RAB27A: variants seen among roughly 807,000 people sequenced by gnomAD.
The protein encoded by RAB27A is RAB27A, member RAS oncogene family.
RAB27A carries 17 observed loss-of-function variants against 20.8 expected under a neutral mutation model. The ratio of observed to expected loss-of-function variants is 0.82; its 90% CI spans 0.56 to 1.23. The LOEUF is 1.23. Among genes scored for constraint, RAB27A ranks in the 50% most tolerant of loss-of-function variants. The pLI is 0.00. For synonymous variants in RAB27A, 85 were observed against 92.8 expected, an observed-to-expected ratio of 0.92 and a Z score of 0.48; for missense variants, 277 against 266.7, an observed-to-expected ratio of 1.04 and a Z score of -0.27.
intron 2 of RAB27A, among the ~76,000 whole-genome samples, chr15:55,236,513 T>C (rs969990097): frequency 1.3e-5 from 2 of 152,096 alleles, no homozygotes; most frequent in Non-Finnish European, 2.9e-5. Flanking sequence ...ATTCAGCTCT[T>C]CAGTACCGAC....
At chr15:55,252,996 G>A (rs1896949064) in intron 2 of RAB27A, among the ~76,000 whole-genome samples, 2 of 152,166 alleles carry the variant, frequency 1.3e-5, no homozygotes, top group Non-Finnish European at 2.9e-5. Flanking sequence ...GTTGGGCATG[G>A]TGGCATGTGC....
intron 2 of RAB27A, among the ~76,000 whole-genome samples, chr15:55,263,379 T>TAA (rs35877174): frequency 4.0e-5 from 6 of 150,390 alleles, no homozygotes; most frequent in Non-Finnish European, 5.9e-5. Flanking sequence ...GTCTTGGGCT[T>TAA]AAAAAAAAAA....
intron 2 of RAB27A, among the ~76,000 whole-genome samples, chr15:55,239,773 A>C (rs1247606668): frequency 6.6e-6 from 1 of 152,142 alleles, no homozygotes; most frequent in African/African-American, 2.4e-5. Flanking sequence ...GTTAAAAGAG[A>C]CCAGAATTCC....
chr15:55,227,060 T>G (rs2140968153), intron 5 of RAB27A, among the ~76,000 whole-genome samples: 1 of 152,288 alleles, frequency 6.6e-6, no homozygotes, highest in East Asian at 1.9e-4. Flanking sequence ...TACTTTCTAT[T>G]AAATATATAA....
intron 6 of RAB27A, among the ~76,000 whole-genome samples, chr15:55,208,388 T>C (rs1894754246): frequency 6.6e-6 from 1 of 152,128 alleles, no homozygotes; most frequent in Admixed American, 6.5e-5. Context: ...GAATCACAAG[T>C]AGGAATTTAT....
intron 2 of RAB27A, among the ~76,000 whole-genome samples, chr15:55,296,200 C>A (rs1216630219): frequency 2.0e-5 from 3 of 149,910 alleles, no homozygotes; most frequent in Non-Finnish European, 4.4e-5. Flanking sequence ...AGCCCCAGTA[C>A]TTCTTGATTC....
At chr15:55,266,569 T>C (rs1897493998) in intron 2 of RAB27A, among the ~76,000 whole-genome samples, 1 of 152,156 alleles carries the variant, frequency 6.6e-6, no homozygotes, top group African/African-American at 2.4e-5. Context: ...TGGTATAACA[T>C]TAACTGAAAA....
chr15:55,286,654 T>C (rs1036922988), intron 1 of RAB27A, among the ~76,000 whole-genome samples: 1 of 152,080 alleles, frequency 6.6e-6, no homozygotes, highest in African/African-American at 2.4e-5. Flanking sequence ...TGATAGCAGA[T>C]GAAGCCGCAC....
At chr15:55,278,109 C>T (rs973061250) in intron 1 of RAB27A, among the ~76,000 whole-genome samples, 1 of 152,146 alleles carries the variant, frequency 6.6e-6, no homozygotes, top group African/African-American at 2.4e-5. Context: ...AGAAACATAA[C>T]CTGTAATTTG....
In RAB27A at chr15:55,283,369, C is replaced by T. The variant is rs866682719; in HGVS notation, c.-143+6347G>A. 1.3e-5 allele frequency among the ~76,000 whole-genome samples: 2 copies of T among 152,116 alleles called. 1 individual carries two copies. The highest frequency in any genetic ancestry group is 6.8e-3 in the Middle Eastern group (2 of 294). ...AGGAATATGGAGACTAAAAACCGAC[C>T]GACTGATTCCTGACTGTGTTGATTC... On this transcript the variant is annotated intron_variant, in intron 1 of 6. Transcript: ENST00000336787.
intron 6 of RAB27A, among the ~76,000 whole-genome samples, chr15:55,206,866 T>C (rs994342511): frequency 3.9e-5 from 6 of 151,992 alleles, no homozygotes; most frequent in African/African-American, 1.5e-4. Context: ...CCACAACATA[T>C]ATCATAAGCA....
At chr15:55,223,014 A>G (rs575541376) in intron 6 of RAB27A, among the ~76,000 whole-genome samples, 1 of 152,092 alleles carries the variant, frequency 6.6e-6, no homozygotes, top group African/African-American at 2.4e-5. Flanking sequence ...TGCTGCTGCT[A>G]TGATCCTATT....
chr15:55,261,936 C>G (rs1489308236), intron 2 of RAB27A, among the ~76,000 whole-genome samples: 1 of 150,938 alleles, frequency 6.6e-6, no homozygotes, highest in Non-Finnish European at 1.5e-5. Flanking sequence ...ACTCGGGAGG[C>G]TGAGGCAGAA....
chr15:55,275,976 G>A (rs1897862818), intron 1 of RAB27A, among the ~76,000 whole-genome samples: 1 of 148,346 alleles, frequency 6.7e-6, no homozygotes, highest in Non-Finnish European at 1.5e-5. Context: ...TGGAGAAAAG[G>A]GAACCTTGTA....
intron 2 of RAB27A, among the ~76,000 whole-genome samples, chr15:55,257,974 C>T (rs572073313): frequency 6.7e-6 from 1 of 148,952 alleles, no homozygotes; most frequent in South Asian, 2.1e-4. Context: ...GGCTGAGGCA[C>T]GAGAATTGCT....
chr15:55,260,861 A>G (rs1322229963), intron 2 of RAB27A, among the ~76,000 whole-genome samples: 1 of 152,244 alleles, frequency 6.6e-6, no homozygotes, highest in East Asian at 1.9e-4. Context: ...GATAGATGTC[A>G]TTATACATTT....
chr15:55,246,854 T>G (rs1291209262), intron 2 of RAB27A, among the ~76,000 whole-genome samples: 1 of 151,910 alleles, frequency 6.6e-6, no homozygotes, highest in African/African-American at 2.4e-5. Flanking sequence ...CTACAAAGTA[T>G]GCTCCCACTG....
intron 5 of RAB27A, among the ~76,000 whole-genome samples, chr15:55,225,906 A>G (rs571109414): frequency 6.6e-6 from 1 of 152,306 alleles, no homozygotes; most frequent in Admixed American, 6.5e-5. Flanking sequence ...CATCTAACAC[A>G]ACTAAGTTTA....
upstream of RAB27A, among the ~76,000 whole-genome samples, chr15:55,291,026 T>G (rs1386023185): frequency 6.6e-6 from 1 of 152,158 alleles, no homozygotes; most frequent in Admixed American, 6.5e-5. Flanking sequence ...TGGGTCCAAT[T>G]TACAAAATCA....
Sources: gnomAD v4.1 joint callset for allele counts (sites outside exome capture counted in the v4.1 genomes callset) on GRCh38, gnomAD v4.1.1 for gene constraint, MANE v1.5 for transcripts, NCBI Gene and HGNC (gene_info 2026-07-23, HGNC 2026-07-21) for gene names.